Variants in NALCN observed in about 807,000 individuals in gnomAD.
The protein encoded by NALCN is sodium leak channel, non-selective.
NALCN carries 111 observed loss-of-function variants against 225.3 expected under a neutral mutation model. That is an observed-to-expected ratio of 0.49 (90% CI 0.42 to 0.58). NALCN has a LOEUF of 0.58. NALCN is among the 20% of genes least tolerant of loss of function. NALCN has a pLI of 0.00. For missense variants in NALCN, 1,378 were observed against 2,202.4 expected, an observed-to-expected ratio of 0.63 and a Z score of 7.49; for synonymous variants, 764 against 769.0, an observed-to-expected ratio of 0.99 and a Z score of 0.11.
At chr13:101,090,123 T>C (rs1289236159) in intron 28 of NALCN, among the ~76,000 whole-genome samples, 157 bp from the exon 29 acceptor site, 1 of 151,592 alleles carries the variant, frequency 6.6e-6, no homozygotes, top group Non-Finnish European at 1.5e-5. Flanking sequence ...CACACACACA[T>C]ACATATGTGT....
intron 15 of NALCN, among the ~76,000 whole-genome samples, chr13:101,169,337 T>A (rs1053427004): frequency 6.2e-5 from 9 of 144,014 alleles, no homozygotes; most frequent in Non-Finnish European, 3.2e-5. Context: ...TATGTATTTT[T>A]AAAAATATTT....
chr13:101,199,389 G>C (rs1297161241), intron 13 of NALCN, among the ~76,000 whole-genome samples: 1 of 151,632 alleles, frequency 6.6e-6, no homozygotes, highest in Non-Finnish European at 1.5e-5. Context: ...GCAAAGACTT[G>C]GAACCAACCC....
intron 7 of NALCN, among the ~76,000 whole-genome samples, chr13:101,337,163 ACT>A (rs1417706704): frequency 3.3e-5 from 5 of 152,012 alleles, no homozygotes; most frequent in African/African-American, 7.2e-5. Flanking sequence ...TTATGCACCA[ACT>A]CTCTGTCTCA....
At chr13:101,270,870 C>T (rs1031714476) in intron 10 of NALCN, among the ~76,000 whole-genome samples, 10 of 152,112 alleles carry the variant, frequency 6.6e-5, no homozygotes, top group African/African-American at 2.4e-4. Flanking sequence ...CCAAACCAAA[C>T]GAACAAACAG....
intron 13 of NALCN, among the ~76,000 whole-genome samples, chr13:101,222,018 G>A (rs893725724): frequency 6.6e-6 from 1 of 151,970 alleles, no homozygotes; most frequent in Non-Finnish European, 1.5e-5. Flanking sequence ...CTTATTGCAG[G>A]CCCATGCTTT....
intron 11 of NALCN, among the ~76,000 whole-genome samples, chr13:101,256,604 G>T (rs1188368883): frequency 6.6e-6 from 1 of 151,820 alleles, no homozygotes; most frequent in Admixed American, 6.6e-5. Flanking sequence ...CCCTTTCTTT[G>T]CCAACTTCCC....
chr13:101,131,259 G>A (rs1380203449), intron 17 of NALCN, among the ~76,000 whole-genome samples: 9 of 152,106 alleles, frequency 5.9e-5, no homozygotes, highest in Admixed American at 5.9e-4. Flanking sequence ...TACAGTTTGA[G>A]CTGGTTAGAG....
At chr13:101,379,071 A>G (rs1231291726) in intron 3 of NALCN, among the ~76,000 whole-genome samples, 1 of 152,206 alleles carries the variant, frequency 6.6e-6, no homozygotes, top group African/African-American at 2.4e-5. Flanking sequence ...TAGGAAAACT[A>G]ACAAGGCATT....
chr13:101,411,816 C>A (rs1408346117), intron 1 of NALCN, among the ~76,000 whole-genome samples: 3 of 151,986 alleles, frequency 2.0e-5, no homozygotes, highest in Non-Finnish European at 4.4e-5. Flanking sequence ...CACACTTCTA[C>A]CTCATTTTTT....
At chr13:101,290,824 A>G (rs990062966) in intron 9 of NALCN, among the ~76,000 whole-genome samples, 3 of 152,210 alleles carry the variant, frequency 2.0e-5, no homozygotes, top group Non-Finnish European at 2.9e-5. Context: ...AGTGTTTACA[A>G]AGTTGTTAAA....
chr13:101,415,324 C>G (rs1291894913), intron 1 of NALCN, among the ~76,000 whole-genome samples: 2 of 151,680 alleles, frequency 1.3e-5, no homozygotes, highest in Non-Finnish European at 2.9e-5. Context: ...GGTCCTCAAC[C>G]CACATTTCAC....
intron 15 of NALCN, among the ~76,000 whole-genome samples, chr13:101,172,610 A>G (rs1024869569): frequency 6.6e-6 from 1 of 152,192 alleles, no homozygotes; most frequent in Non-Finnish European, 1.5e-5. Context: ...CCCAGGCTGG[A>G]GTACAGTGGC....
At chr13:101,145,709 A>C (rs926915658) in intron 15 of NALCN, among the ~76,000 whole-genome samples, 1 of 151,646 alleles carries the variant, frequency 6.6e-6, no homozygotes. Context: ...GTCCCTCTTT[A>C]CTTCTGTTTA....
At chr13:101,158,863 T>A (rs908962466) in intron 15 of NALCN, among the ~76,000 whole-genome samples, 4 of 152,150 alleles carry the variant, frequency 2.6e-5, no homozygotes, top group African/African-American at 9.7e-5. Flanking sequence ...TACCACAACT[T>A]TCCTCCCACA....
intron 27 of NALCN, 72 bp from the exon 28 acceptor site, chr13:101,095,752 A>C: frequency 7.9e-7 from 1 of 1,266,952 alleles, no homozygotes; most frequent in South Asian, 1.3e-5. Flanking sequence ...AAGGATAGGA[A>C]ACTCTTTCTT....
At chr13:101,346,626 A>G (rs1214949073) in intron 6 of NALCN, among the ~76,000 whole-genome samples, 3 of 152,128 alleles carry the variant, frequency 2.0e-5, no homozygotes, top group African/African-American at 4.8e-5. Context: ...AGAATCCTTT[A>G]GGTGGATAAT....
chr13:101,096,134 T>C (rs1303824966), intron 27 of NALCN, among the ~76,000 whole-genome samples: 1 of 152,160 alleles, frequency 6.6e-6, no homozygotes, highest in Non-Finnish European at 1.5e-5. Flanking sequence ...GGATGTAGAA[T>C]GGTGCAACCA....
At chr13:101,150,654 T>G (rs2037602380) in intron 15 of NALCN, among the ~76,000 whole-genome samples, 1 of 152,224 alleles carries the variant, frequency 6.6e-6, no homozygotes. Context: ...GTATTCTACC[T>G]TTTATCCAAA....
At chr13:101,133,043 T>G (rs1415579352) in intron 17 of NALCN, among the ~76,000 whole-genome samples, 1 of 152,168 alleles carries the variant, frequency 6.6e-6, no homozygotes, top group African/African-American at 2.4e-5. Context: ...CACTTACTGA[T>G]TCCTTAAAAT....
Sources: allele counts gnomAD v4.1 joint callset (sites outside exome capture counted in the v4.1 genomes callset), GRCh38; gene constraint gnomAD v4.1.1; transcripts MANE v1.5; gene names NCBI Gene and HGNC (gene_info 2026-07-23, HGNC 2026-07-21).